Variants in NTM observed in about 807,000 individuals in gnomAD.
NTM encodes the protein IgLON family member 2.
A neutral mutation model predicts 42.1 loss-of-function variants in NTM; 13 were observed. The observed-to-expected ratio is 0.31, with a 90% CI of 0.20 to 0.49. The LOEUF (loss-of-function observed/expected upper bound fraction) is 0.49. Among genes scored for constraint, NTM ranks in the 20% least tolerant of loss-of-function variants. NTM has a pLI of 0.99. For missense variants in NTM, 373 were observed against 452.8 expected, an observed-to-expected ratio of 0.82 and a Z score of 1.60; for synonymous variants, 187 against 179.2, an observed-to-expected ratio of 1.04 and a Z score of -0.35.
intron 1 of NTM, among the ~76,000 whole-genome samples, chr11:131,873,984 T>TTA (rs1299455437): frequency 1.0e-5 from 1 of 98,518 alleles, no homozygotes; most frequent in African/African-American, 3.0e-5. Context: ...ATATTATATA[T>TTA]TATATATATT....
At chr11:131,824,707 G>A (rs746587039) in intron 1 of NTM, among the ~76,000 whole-genome samples, 19 of 152,152 alleles carry the variant, frequency 1.2e-4, no homozygotes, top group Non-Finnish European at 2.1e-4. Context: ...GAAACATGTT[G>A]AATAGTGAAT....
chr11:132,007,325 C>T (rs887159763), intron 2 of NTM, among the ~76,000 whole-genome samples: 1 of 152,124 alleles, frequency 6.6e-6, no homozygotes, highest in Non-Finnish European at 1.5e-5. Flanking sequence ...GAATGGTGCT[C>T]ATTCATCCCA....
At chr11:131,665,435 G>A (rs2068866785) in intron 1 of NTM, among the ~76,000 whole-genome samples, 1 of 152,188 alleles carries the variant, frequency 6.6e-6, no homozygotes, top group Admixed American at 6.5e-5. Context: ...TTCAGAAGGT[G>A]ACTGTATTGG....
intron 1 of NTM, among the ~76,000 whole-genome samples, chr11:131,754,221 A>C (rs529848526): frequency 1.3e-5 from 2 of 152,084 alleles, no homozygotes; most frequent in Admixed American, 1.3e-4. Flanking sequence ...AACATGACAC[A>C]TGTATACATA....
chr11:131,926,176 G>A lies in NTM; in HGVS notation c.167+14528G>A, dbSNP rs146095016. The stretch of plus-strand genomic sequence containing the variant: ...GACCAAGTAGGAGTAGGCATTCCTC[G>A]CTGACGATGTTGTTCACTAGAGTCC... On this transcript the variant is annotated intron_variant, in intron 2 of 8. Transcript: ENST00000683400. 2.3e-4 allele frequency among the ~76,000 whole-genome samples: 35 copies of A among 152,174 alleles called. No homozygotes were observed. In the South Asian group the frequency reaches 3.5e-3, roughly 15 times the overall value.
At chr11:131,649,225 C>A (rs1036739404) in intron 1 of NTM, among the ~76,000 whole-genome samples, 1 of 152,232 alleles carries the variant, frequency 6.6e-6, no homozygotes, top group Non-Finnish European at 1.5e-5. Flanking sequence ...CTGTGCGTGG[C>A]ACCCATGAAT....
chr11:131,837,817 G>C (rs2043709524), intron 1 of NTM, among the ~76,000 whole-genome samples: 1 of 152,198 alleles, frequency 6.6e-6, no homozygotes, highest in Non-Finnish European at 1.5e-5. Flanking sequence ...GTGGCTCTCT[G>C]TGGCGACGTG....
intron 2 of NTM, among the ~76,000 whole-genome samples, chr11:132,079,193 T>TG (rs1279395292): frequency 6.6e-6 from 1 of 152,196 alleles, no homozygotes; most frequent in African/African-American, 2.4e-5. Flanking sequence ...ATGAAAATAA[T>TG]GATACTAATC....
chr11:131,804,941 A>G (rs764920223), intron 1 of NTM, among the ~76,000 whole-genome samples: 3 of 152,124 alleles, frequency 2.0e-5, no homozygotes, highest in Non-Finnish European at 4.4e-5. Context: ...CTTCTGGATG[A>G]TACAGCCACA....
chr11:132,211,998 T>G lies in NTM; in HGVS notation c.401-24T>G, dbSNP rs757495771. 10 of 1,601,338 alleles carry G rather than the reference T, an allele frequency of 6.2e-6. No homozygotes were observed. In the South Asian group the frequency reaches 6.8e-5, roughly 11 times the overall value. On this transcript the variant is annotated intron_variant, in intron 3 of 8. Coordinates refer to ENST00000683400, the MANE Select transcript of NTM (RefSeq NM_001352005.2). ...AGAAATGTTTCAGGAGGATTTTTAT[T>G]TTCATTCTGTCTTGTTTCCACAGTA...
chr11:131,576,465 G>C (rs530743088), intron 1 of NTM, among the ~76,000 whole-genome samples: 29 of 152,024 alleles, frequency 1.9e-4, no homozygotes, highest in Non-Finnish European at 3.7e-4. Context: ...ACTTTTGCTC[G>C]ATTCTCCACC....
chr11:131,403,154 A>T (rs1035799296), intron 1 of NTM, among the ~76,000 whole-genome samples: 2 of 152,198 alleles, frequency 1.3e-5, no homozygotes, highest in African/African-American at 4.8e-5. Context: ...GTTTACTTAC[A>T]ATCCAGTCAC....
intron 3 of NTM, among the ~76,000 whole-genome samples, chr11:132,207,602 C>T (rs961616342): frequency 6.6e-6 from 1 of 152,166 alleles, no homozygotes; most frequent in Non-Finnish European, 1.5e-5. Context: ...AAATTATCTT[C>T]CATGAAACCT....
At chr11:131,934,024 G>A (rs143631895) in intron 2 of NTM, among the ~76,000 whole-genome samples, 17 of 152,186 alleles carry the variant, frequency 1.1e-4, no homozygotes, top group Non-Finnish European at 2.4e-4. Context: ...GGCTGAATGG[G>A]GATTTGATCC....
intron 2 of NTM, among the ~76,000 whole-genome samples, chr11:132,117,304 T>A (rs1240203767): frequency 6.6e-6 from 1 of 152,198 alleles, no homozygotes; most frequent in East Asian, 1.9e-4. Context: ...TCTAGTTGAT[T>A]GAGTTTGAAA....
chr11:132,114,351 C>T (rs1257816214), intron 2 of NTM, among the ~76,000 whole-genome samples: 1 of 152,156 alleles, frequency 6.6e-6, no homozygotes, highest in Non-Finnish European at 1.5e-5. Context: ...ACCCAGTGTC[C>T]TCCTCCTTAA....
At chr11:132,199,596 T>C (rs1005737637) in intron 3 of NTM, among the ~76,000 whole-genome samples, 5 of 152,280 alleles carry the variant, frequency 3.3e-5, no homozygotes, top group African/African-American at 1.2e-4. Flanking sequence ...TCCTGAGTGA[T>C]ACCGGGGAGT....
intron 1 of NTM, among the ~76,000 whole-genome samples, chr11:131,690,236 A>G (rs964616049): frequency 2.0e-5 from 3 of 152,210 alleles, no homozygotes; most frequent in Non-Finnish European, 4.4e-5. Context: ...GGTGCAACTC[A>G]CACATTCACA....
At chr11:132,030,936 C>T (rs2075833619) in intron 2 of NTM, among the ~76,000 whole-genome samples, 1 of 152,126 alleles carries the variant, frequency 6.6e-6, no homozygotes, top group Non-Finnish European at 1.5e-5. Flanking sequence ...GAAAATTGGG[C>T]TCAGGCTTCT....
Sources: allele counts gnomAD v4.1 joint callset (sites outside exome capture counted in the v4.1 genomes callset), GRCh38; gene constraint gnomAD v4.1.1; transcripts MANE v1.5; gene names NCBI Gene and HGNC (gene_info 2026-07-23, HGNC 2026-07-21).